Variants in MTF1 observed in about 807,000 individuals in gnomAD.
The protein encoded by MTF1 is metal regulatory transcription factor 1.
In MTF1, 22 loss-of-function variants were observed where a neutral mutation model predicts 70.4. The ratio of observed to expected loss-of-function variants is 0.31; its 90% confidence interval spans 0.22 to 0.45. The LOEUF is 0.45. Ranked by LOEUF, MTF1 falls within the 20% of genes least tolerant of loss-of-function variation. The pLI is 1.00. For synonymous variants in MTF1, 333 were observed against 352.8 expected (o/e 0.94, Z 0.63); for missense variants, 649 against 922.0 (o/e 0.70, Z 3.83).
In MTF1 at chr1:37,821,698, C is replaced by T. The variant is rs150558047; in HGVS notation, c.1767+423G>A. Among the ~76,000 whole-genome samples the T allele has an allele frequency of 3.6e-3, 546 of 152,298 alleles. 1 individual carries two copies. The highest frequency in any genetic ancestry group is 0.012 in the African/African-American group (517 of 41,540). ...GATTCTATGATGGGCTGTGGGAGCA[C>T]AAGTTAGCTCTCTGACTTGGCCACT... On this transcript the variant is annotated intron_variant, in intron 9 of 10. Transcript: ENST00000373036.
chr1:37,828,239 G>C (rs540501095), intron 7 of MTF1: 30 of 389,454 alleles, frequency 7.7e-5, no homozygotes, highest in South Asian at 5.4e-4. Context: ...TGTCTGCAGG[G>C]AGAGATCATG....
chr1:37,855,505 G>C (rs532352696), intron 2 of MTF1, among the ~76,000 whole-genome samples: 1 of 152,196 alleles, frequency 6.6e-6, no homozygotes, highest in Non-Finnish European at 1.5e-5. Flanking sequence ...CAAAGGAAAA[G>C]TGATATGCCA....
At chr1:37,839,754 C>A (rs1325933769) in intron 3 of MTF1, among the ~76,000 whole-genome samples, 166 bp downstream of exon 3, 1 of 152,172 alleles carries the variant, frequency 6.6e-6, no homozygotes, top group African/African-American at 2.4e-5. Context: ...AAATTTTTTT[C>A]TTTCATTTTC....
At chr1:37,817,528 C>G (rs1280850700) in intron 9 of MTF1, 46 bp from the exon 10 acceptor site, 1 of 1,336,820 alleles carries the variant, frequency 7.5e-7, no homozygotes, top group South Asian at 1.2e-5. Context: ...TGTAATATGG[C>G]AGATCCCCAG....
At position 37,857,629 on chromosome 1, in the gene MTF1, G is replaced by T. The variant is rs1476503325; in HGVS notation, c.30C>A (p.Ile10=). The change falls in exon 2 of 11, where the codon ATC becomes ATA. Residue 10 remains isoleucine (I), a synonymous_variant. Transcript: ENST00000373036. MGEHSPDNN[I]IYFEAEEDEL... The stretch of plus-strand genomic sequence containing the variant: ...CATCTTCCTCTGCCTCAAAGTAGAT[G>T]ATGTTGTTGTCTGGACTGTGTTCCC... 6.2e-7 allele frequency: 1 copy of T among 1,613,878 alleles called. No individual in the cohort carries two copies. Among genetic ancestry groups the T allele is most frequent in the Non-Finnish European group, 8.5e-7 (1 of 1,180,044 alleles).
chr1:37,815,265 T>C lies in MTF1; in HGVS notation c.2133A>G (p.Thr711=), dbSNP rs558474526. The change falls in exon 11 of 11, where the codon ACA becomes ACG. Residue 711 remains threonine (T), a synonymous_variant. Transcript: ENST00000373036. The surrounding 1 kb of genome is among the most constrained non-coding windows in gnomAD (Gnocchi z 4.5). ...AETPSDPQTE[T]LSAMDVSEFL... ...ACTCTGACACATCCATGGCACTTAA[T>C]GTTTCTGTCTGAGGGTCTGAAGGAG... 637 of 1,614,012 alleles carry C rather than the reference T, an allele frequency of 3.9e-4. 10 individuals are homozygous for C. In the South Asian group the frequency reaches 6.7e-3, roughly 17 times the overall value.
chr1:37,838,525 T>C (rs749467503), intron 4 of MTF1, 100 bp downstream of exon 4: 2 of 1,006,956 alleles, frequency 2.0e-6, no homozygotes, highest in Middle Eastern at 2.2e-4. Context: ...AATCAAGAGC[T>C]AGTAAAGGGA....
chr1:37,810,427 A>G lies in MTF1; in HGVS notation c.*4709T>C, dbSNP rs1378170977. The G allele has an allele frequency of 6.6e-6, 1 of 152,208 alleles. No individual in the cohort carries two copies. The highest frequency in any genetic ancestry group is 1.5e-5 in the Non-Finnish European group (1 of 68,028). 9.4% of individuals were successfully genotyped at this position (152,208 alleles called of 1,614,324 possible). ...TATGTACACATTGACATAAAGATCC[A>G]GTTTAATTTGCATTTTTCAGTGCAG... is the stretch of plus-strand genomic sequence containing the variant. On this transcript the variant is annotated 3_prime_UTR_variant, in exon 11 of 11. Transcript: ENST00000373036.
chr1:37,850,708 C>A (rs924980679), intron 2 of MTF1, among the ~76,000 whole-genome samples: 4 of 151,954 alleles, frequency 2.6e-5, no homozygotes, highest in Non-Finnish European at 5.9e-5. Flanking sequence ...CTATCTGTGG[C>A]AAGGTTCTGG....
intron 2 of MTF1, among the ~76,000 whole-genome samples, chr1:37,849,926 G>A (rs2148420805): frequency 6.6e-6 from 1 of 152,274 alleles, no homozygotes; most frequent in East Asian, 1.9e-4. Context: ...ACAAGACGCA[G>A]CTGCTTCGAG....
Position 37,810,827 on chromosome 1 carries a change from G to A in MTF1, c.*4309C>T, listed in dbSNP as rs749994293. ...TTGATAATGATTCATGGGATGTAAT[G>A]TTTGTTTATAGGATTTAATGAAGGC... On this transcript the variant is annotated 3_prime_UTR_variant, in exon 11 of 11. Transcript: ENST00000373036. 1 of 152,242 alleles carries A rather than the reference G, an allele frequency of 6.6e-6. No homozygotes were observed. The highest frequency in any genetic ancestry group is 6.5e-5 in the Admixed American group (1 of 15,284). 9.4% of individuals were successfully genotyped at this position (152,242 alleles called of 1,614,324 possible).
At chr1:37,848,868 C>T (rs1641372389) in intron 2 of MTF1, among the ~76,000 whole-genome samples, 1 of 152,096 alleles carries the variant, frequency 6.6e-6, no homozygotes, top group African/African-American at 2.4e-5. Flanking sequence ...CGGTAGTTCC[C>T]CTCTAGGAGA....
At chr1:37,834,574 T>C (rs1353330293) in intron 6 of MTF1, 4 of 452,630 alleles carry the variant, frequency 8.8e-6, no homozygotes, top group African/African-American at 2.0e-5. Context: ...CTGATATATG[T>C]AGGACAGTCT....
chr1:37,845,481 G>T (rs1641318328), intron 2 of MTF1, among the ~76,000 whole-genome samples: 1 of 152,152 alleles, frequency 6.6e-6, no homozygotes, highest in African/African-American at 2.4e-5. Context: ...ATTGGGGAAA[G>T]TATTTGTTTG....
chr1:37,822,592 C>A lies in MTF1; in HGVS notation c.1296G>T (p.Gln432His). The A allele has an allele frequency of 6.2e-7, 1 of 1,613,880 alleles. No individual in the cohort carries two copies. The highest frequency in any genetic ancestry group is 1.1e-5 in the South Asian group (1 of 91,074). Residue 432 changes from glutamine to histidine, a missense_variant, in exon 9 of 11, where the codon CAG becomes CAT. Around this residue, in one of 7 missense-constraint regions of MTF1, gnomAD observed 267 missense variants for 292.1 expected, o/e 0.91. Coordinates refer to ENST00000373036, the MANE Select transcript of MTF1 (RefSeq NM_005955.3). ...VLQPGLSEPP[Q>H]PLLPASAPSA... ...ACGGAGCTGAGGCAGGTAGTAGAGGCTGGGGTGGCTCGGAGAGGCCAGGTT... is the reference window on the plus strand; with the variant it reads ...ACGGAGCTGAGGCAGGTAGTAGAGGATGGGGTGGCTCGGAGAGGCCAGGTT...
rs1640773772 is a variant in MTF1, at chr1:37,813,866, T to C, written c.*1270A>G. ...ATTCTATAACACACACACACAATTT[T>C]TTCCTATAACACAACTTAATGAAAC... On this transcript the variant is annotated 3_prime_UTR_variant, in exon 11 of 11. Coordinates refer to ENST00000373036, the MANE Select transcript of MTF1 (RefSeq NM_005955.3). 6.5e-6 allele frequency: 1 copy of C among 152,698 alleles called. No individual in the cohort carries two copies. 9.5% of individuals were successfully genotyped at this position (152,698 alleles called of 1,614,324 possible).
At chr1:37,849,996 AC>A in intron 2 of MTF1, among the ~76,000 whole-genome samples, 1 of 152,302 alleles carries the variant, frequency 6.6e-6, no homozygotes, top group Middle Eastern at 3.4e-3. Flanking sequence ...TAATCACAAT[AC>A]TTTGGGAGGC....
At chr1:37,850,482 GAAGA>G (rs932369511) in intron 2 of MTF1, among the ~76,000 whole-genome samples, 3 of 147,616 alleles carry the variant, frequency 2.0e-5, no homozygotes, top group Non-Finnish European at 3.0e-5. Context: ...AGAAAGGAAA[GAAGA>G]AAGACAGAAA....
intron 4 of MTF1, among the ~76,000 whole-genome samples, chr1:37,836,947 G>C (rs551150794): frequency 5.5e-5 from 4 of 72,576 alleles, no homozygotes; most frequent in East Asian, 3.7e-4. Context: ...GAAGGGGGGC[G>C]GCGGGGAATA....
Sources: allele counts gnomAD v4.1 joint callset (sites outside exome capture counted in the v4.1 genomes callset), GRCh38; gene constraint gnomAD v4.1.1; regional missense constraint gnomAD v4.1.1; non-coding constraint Gnocchi (gnomAD v3.1); transcripts MANE v1.5; gene names NCBI Gene and HGNC (gene_info 2026-07-23, HGNC 2026-07-21).